Variants in TRIM66 observed in about 807,000 individuals in gnomAD.
The protein encoded by TRIM66 is tripartite motif-containing protein 66.
TRIM66 carries 99 observed loss-of-function variants against 148.2 expected under a neutral mutation model. The ratio of observed to expected loss-of-function variants is 0.67; its 90% CI spans 0.57 to 0.79. The LOEUF (loss-of-function observed/expected upper bound fraction) is 0.79, where lower values mean the gene tolerates loss of function less well. Ranked by LOEUF, TRIM66 falls within the 30% of genes least tolerant of loss-of-function variation. The probability of loss-of-function intolerance (pLI) is 0.00; values close to 1 mark genes in which losing one functional copy is unlikely to be tolerated. For synonymous variants in TRIM66, 616 were observed against 635.9 expected, an observed-to-expected ratio of 0.97 and a Z score of 0.47; for missense variants, 1,666 against 1,697.9, an observed-to-expected ratio of 0.98 and a Z score of 0.33.
chr11:8,621,345 C>T, intron 19 of TRIM66, 24 bp from the exon 20 acceptor site: 1 of 1,541,242 alleles, frequency 6.5e-7, no homozygotes, highest in Non-Finnish European at 8.8e-7. Flanking sequence ...TAAGTCTGGG[C>T]AGCCAGAGCA....
chr11:8,650,370 C>G (rs1490303511), intron 7 of TRIM66, among the ~76,000 whole-genome samples: 1 of 151,058 alleles, frequency 6.6e-6, no homozygotes, highest in Non-Finnish European at 1.5e-5. Context: ...AAGACCCTGT[C>G]TCAAAAAAGG....
intron 3 of TRIM66, among the ~76,000 whole-genome samples, chr11:8,678,620 C>T (rs1875568): frequency 0.64 from 97,921 of 152,000 alleles, 31,652 homozygotes; most frequent in Middle Eastern, 0.73. Context: ...GATTTCTGAG[C>T]TTTTCTCTAA....
chr11:8,634,215 G>C (rs1056556302), intron 15 of TRIM66, among the ~76,000 whole-genome samples: 3 of 152,182 alleles, frequency 2.0e-5, no homozygotes, highest in Non-Finnish European at 4.4e-5. Context: ...GCCCAAGTTG[G>C]AGTGCAGTGG....
chr11:8,625,094 T>TA lies in TRIM66; in HGVS notation c.2444dup (p.Pro816ThrfsTer39). ...TGGGGGGAGCACTCAGCAGGCTTGGTACTGCCTGGGGGGCACCAGCTGTCA... is the reference window on the plus strand; with the variant it reads ...TGGGGGGAGCACTCAGCAGGCTTGGTAACTGCCTGGGGGGCACCAGCTGTCA... On this transcript the variant is annotated frameshift_variant, in exon 16 of 25. Transcript: ENST00000646038. LOFTEE classifies it high-confidence loss of function. 1.3e-6 allele frequency: 2 copies of TA among 1,551,726 alleles called. No homozygotes were observed. Among genetic ancestry groups the TA allele is most frequent in the Non-Finnish European group, 1.7e-6 (2 of 1,147,000 alleles).
intron 1 of TRIM66, chr11:8,680,659 G>C (rs2039371342): frequency 6.6e-6 from 1 of 152,236 alleles, no homozygotes. Flanking sequence ...TGTTTACTTT[G>C]TCTGTAGAAT....
intron 15 of TRIM66, among the ~76,000 whole-genome samples, chr11:8,632,710 C>G (rs1185958985): frequency 6.6e-6 from 1 of 152,102 alleles, no homozygotes; most frequent in African/African-American, 2.4e-5. Flanking sequence ...ACCCACTTGC[C>G]TCGGCCTTCC....
intron 6 of TRIM66, among the ~76,000 whole-genome samples, chr11:8,662,931 T>TA (rs2038355248): frequency 6.6e-6 from 1 of 152,218 alleles, no homozygotes; most frequent in South Asian, 2.1e-4. Context: ...TACATTTACT[T>TA]AAAGTATAAT....
rs1165542260 is a variant in TRIM66 at position 8,612,718 on chromosome 11, C to T, written c.*5226G>A. The T allele has an allele frequency of 6.6e-6, 1 of 152,384 alleles. No homozygotes were observed. Among genetic ancestry groups the T allele is most frequent in the Non-Finnish European group, 1.5e-5 (1 of 68,212 alleles). The allele number at this position is 152,384 out of a possible 1,614,324, so 9.4% of individuals were successfully genotyped here. On this transcript the variant is annotated 3_prime_UTR_variant, in exon 25 of 25. Coordinates refer to ENST00000646038, the MANE Select transcript of TRIM66 (RefSeq NM_001388022.1). ...AGCAAGGGAGCAGCCACCGCGCTCC[C>T]TAGTCTCCCTCCATCCGAATGTTAT...
chr11:8,662,308 C>T (rs1475574164), intron 6 of TRIM66, among the ~76,000 whole-genome samples: 3 of 152,210 alleles, frequency 2.0e-5, no homozygotes, highest in African/African-American at 4.8e-5. Context: ...ATTAGAACCC[C>T]TGCAGCTGAG....
At position 8,682,599 on chromosome 11, in the gene TRIM66, A is replaced by G; in HGVS notation, c.-548+2T>C. 8.1e-6 allele frequency: 5 copies of G among 617,520 alleles called. No individual in the cohort carries two copies. The highest frequency in any genetic ancestry group is 1.5e-5 in the Non-Finnish European group (5 of 344,586). The allele number at this position is 617,520 out of a possible 1,614,324, so 38.3% of individuals were successfully genotyped here. A position where few individuals can be genotyped will look rare whatever the true frequency, so the allele number is the denominator to read the frequency against. On this transcript the variant is annotated splice_donor_variant, in intron 1 of 24. Transcript: ENST00000646038. LOFTEE classifies it low-confidence loss of function (5UTR_SPLICE). ...CTCCGAGCCTAGCACAACGAGCCTC[A>G]CCGAAACCGTACACCGCCACCAGGA...
In TRIM66 at chr11:8,619,519, T is replaced by C; in HGVS notation, c.3764A>G (p.Gln1255Arg). The change falls in exon 23 of 25, where the codon CAG becomes CGG. Residue 1255 changes from glutamine (Q) to arginine (R), a missense_variant. By Grantham distance (43) the Gln-to-Arg change is conservative (BLOSUM62 1). Transcript: ENST00000646038. ...PVSPLARHYYQIIKRPMDLSI... is the reference protein window; with the variant it reads ...PVSPLARHYYRIIKRPMDLSI... ...CAGGTCCATGGGCCTCTTGATAATC[T>C]GGTAATAATGCCGGGCCTTGGGGGA... 6.5e-7 allele frequency: 1 copy of C among 1,544,598 alleles called. No individual in the cohort carries two copies. The highest frequency in any genetic ancestry group is 8.7e-7 in the Non-Finnish European group (1 of 1,144,588).
chr11:8,644,807 G>A (rs2036706599), intron 12 of TRIM66, among the ~76,000 whole-genome samples: 1 of 152,060 alleles, frequency 6.6e-6, no homozygotes, highest in Non-Finnish European at 1.5e-5. Context: ...TCTAGCTTTT[G>A]ACCCTTCTAC....
intron 17 of TRIM66, among the ~76,000 whole-genome samples, chr11:8,624,027 G>C (rs1392704251): frequency 6.6e-6 from 1 of 152,168 alleles, no homozygotes; most frequent in Non-Finnish European, 1.5e-5. Context: ...AGTCAGACAT[G>C]CTCTTTTCCC....
chr11:8,657,845 G>C (rs1179537534), intron 6 of TRIM66, among the ~76,000 whole-genome samples: 1 of 152,192 alleles, frequency 6.6e-6, no homozygotes, highest in East Asian at 1.9e-4. Flanking sequence ...ACAAATTTTT[G>C]TCCAAGTCAC....
rs2034432272 is a variant in TRIM66, at chr11:8,622,816, C to G, written c.3080G>C (p.Arg1027Thr). ...GGGAGATTAGCCAGAAGGCTGTTAC[C>G]TGATGCTCTGGTTCTCTTTTGCATC... ...ELDAKENQSI[R>T]AFNSEHKIPY... Residue 1027 changes from arginine (R) to threonine (T), a missense_variant and splice_region_variant, in exon 18 of 25, where the codon AGA (arginine) becomes ACA (threonine). Arg to Thr is a moderately conservative substitution (Grantham distance 71, BLOSUM62 -1). Around this residue, in one of 3 missense-constraint regions of TRIM66, gnomAD observed 1,431 missense variants for 1,412.4 expected, o/e 1.01. Transcript: ENST00000646038. 6.4e-7 allele frequency: 1 copy of G among 1,551,788 alleles called. No homozygotes were observed. The highest frequency in any genetic ancestry group is 1.4e-5 in the African/African-American group (1 of 73,038).
chr11:8,655,459 A>G (rs2037740986), intron 6 of TRIM66, among the ~76,000 whole-genome samples: 1 of 152,050 alleles, frequency 6.6e-6, no homozygotes, highest in South Asian at 2.1e-4. Flanking sequence ...TATCCAACCC[A>G]TTTACTCTGC....
intron 19 of TRIM66, 151 bp downstream of exon 19, chr11:8,621,494 C>T: frequency 2.4e-6 from 3 of 1,271,614 alleles, no homozygotes; most frequent in Non-Finnish European, 2.1e-6. Flanking sequence ...ATGCATCTCA[C>T]AGGACCTTGC....
chr11:8,680,400 C>G (rs1187643544), intron 1 of TRIM66, among the ~76,000 whole-genome samples: 1 of 152,074 alleles, frequency 6.6e-6, no homozygotes, highest in Non-Finnish European at 1.5e-5. Context: ...GCAGAGTGAA[C>G]AAAGGAAGGT....
rs777889320 is a variant in TRIM66 at position 8,619,572 on chromosome 11, G to A, written c.3748-37C>T. The A allele has an allele frequency of 6.7e-6, 10 of 1,487,312 alleles. No homozygotes were observed. The African/African-American group carries it at 9.9e-5, about 15-fold the overall frequency. The allele number at this position is 1,487,312 out of a possible 1,614,324, so 92.1% of individuals were successfully genotyped here. A position where few individuals can be genotyped will look rare whatever the true frequency, so the allele number is the denominator to read the frequency against. On this transcript the variant is annotated intron_variant, in intron 22 of 24. Coordinates refer to ENST00000646038, the MANE Select transcript of TRIM66 (RefSeq NM_001388022.1). ...AGACATGAGGAGAAGGAGGCAAAGG[G>A]AGTGAGAGAAGAAATGGAGGTGTGG...
Sources: allele counts gnomAD v4.1 joint callset (sites outside exome capture counted in the v4.1 genomes callset), GRCh38; gene constraint gnomAD v4.1.1; regional missense constraint gnomAD v4.1.1; transcripts MANE v1.5; gene names NCBI Gene and HGNC (gene_info 2026-07-23, HGNC 2026-07-21).